KATNBL1: variants seen among roughly 807,000 people sequenced by gnomAD.
KATNBL1 encodes KATNB1-like protein 1.
A neutral mutation model predicts 44.7 loss-of-function variants in KATNBL1; 28 were observed. That is an observed-to-expected ratio of 0.63 (90% CI 0.46 to 0.86). The LOEUF (loss-of-function observed/expected upper bound fraction) is 0.86. Among genes scored for constraint, KATNBL1 ranks in the 40% least tolerant of loss-of-function variants. KATNBL1 has a pLI of 0.00. For missense variants in KATNBL1, 272 were observed against 350.7 expected (o/e 0.78, Z 1.79); for synonymous variants, 78 against 114.9 (o/e 0.68, Z 2.06).
In KATNBL1 at chr15:34,163,613, T is replaced by C; in HGVS notation, c.64A>G (p.Ile22Val). 2 of 1,600,498 alleles carry C rather than the reference T, an allele frequency of 1.2e-6. No homozygotes were observed. Among genetic ancestry groups the C allele is most frequent in the Non-Finnish European group, 1.7e-6 (2 of 1,176,474 alleles). The stretch of plus-strand genomic sequence containing the variant: ...GAGATCTTTTTTCTAGGAAGATCAA[T>C]GAAATGATCCTCAATCTTATTACAA... ...NFCNKIEDHF[I>V]DLPRKKISNF... Residue 22 changes from isoleucine to valine, a missense_variant, in exon 2 of 10, where the codon ATT becomes GTT. Transcript: ENST00000256544.
At chr15:34,192,108 T>C (rs991308604) in intron 1 of KATNBL1, among the ~76,000 whole-genome samples, 5 of 151,966 alleles carry the variant, frequency 3.3e-5, no homozygotes, top group African/African-American at 9.7e-5. Context: ...TGCTTTTTTA[T>C]ATGATTAAAA....
At chr15:34,187,180 C>T (rs541019347) in intron 1 of KATNBL1, among the ~76,000 whole-genome samples, 3 of 152,286 alleles carry the variant, frequency 2.0e-5, no homozygotes, top group South Asian at 2.1e-4. Flanking sequence ...GACGACCAGG[C>T]GGAAGAGAGA....
rs563973373 is a variant in KATNBL1 at position 34,151,586 on chromosome 15, G to A, written c.438+1204C>T. Among the ~76,000 whole-genome samples, 20 of 151,556 alleles carry A rather than the reference G, an allele frequency of 1.3e-4. No homozygotes were observed. In the South Asian group the frequency reaches 4.2e-3, roughly 32 times the overall value. On this transcript the variant is annotated intron_variant, in intron 4 of 9. Transcript: ENST00000256544. ...TGAGCGTCAGCCTCCCAAGTAGCTG[G>A]CATTACAGGCGTGCACCACCACGCC...
At chr15:34,184,241 G>A (rs1797308821) in intron 1 of KATNBL1, among the ~76,000 whole-genome samples, 1 of 151,582 alleles carries the variant, frequency 6.6e-6, no homozygotes, top group Non-Finnish European at 1.5e-5. Context: ...GAGAGGCTGA[G>A]CTTGCAGTGA....
intron 1 of KATNBL1, among the ~76,000 whole-genome samples, chr15:34,185,686 T>G (rs140680747): frequency 6.6e-6 from 1 of 152,116 alleles, no homozygotes; most frequent in Non-Finnish European, 1.5e-5. Flanking sequence ...AAGGCTCTAA[T>G]CAGGTGCTGC....
rs114522318 is a variant in KATNBL1 at position 34,194,257 on chromosome 15, T to C, written c.-15+15694A>G. ...ACCCAGCCTGCAGTTTAGTTTTATA[T>C]GCTGCATTTTGTCATTAATATTATA... is the stretch of plus-strand genomic sequence containing the variant. On this transcript the variant is annotated intron_variant, in intron 1 of 9. Coordinates refer to ENST00000256544, the MANE Select transcript of KATNBL1 (RefSeq NM_024713.3). Among the ~76,000 whole-genome samples the C allele has an allele frequency of 6.4e-3, 969 of 152,282 alleles. 7 individuals carry two copies. The highest frequency in any genetic ancestry group is 0.022 in the African/African-American group (896 of 41,556).
chr15:34,145,136 C>G, intron 9 of KATNBL1: 1 of 1,139,354 alleles, frequency 8.8e-7, no homozygotes, highest in Non-Finnish European at 1.1e-6. Context: ...ATACTTTTCT[C>G]TGATTAAAAC....
intron 2 of KATNBL1, among the ~76,000 whole-genome samples, chr15:34,156,994 C>A (rs1240998470): frequency 6.6e-6 from 1 of 152,200 alleles, no homozygotes; most frequent in East Asian, 1.9e-4. Context: ...ATACTGGAAT[C>A]TCCGTCAAAC....
At chr15:34,164,694 G>C (rs921880604) in intron 1 of KATNBL1, among the ~76,000 whole-genome samples, 1 of 152,236 alleles carries the variant, frequency 6.6e-6, no homozygotes, top group Non-Finnish European at 1.5e-5. Flanking sequence ...GTCATGCCCT[G>C]AATGTAAGTT....
At chr15:34,153,603 T>C (rs1371836164) in intron 3 of KATNBL1, among the ~76,000 whole-genome samples, 1 of 152,028 alleles carries the variant, frequency 6.6e-6, no homozygotes, top group Non-Finnish European at 1.5e-5. Flanking sequence ...ATGCAGTCTC[T>C]CTCTGTTGCC....
chr15:34,154,589 T>A, intron 3 of KATNBL1, 55 bp downstream of exon 3: 1 of 1,112,280 alleles, frequency 9.0e-7, no homozygotes, highest in East Asian at 2.3e-5. Flanking sequence ...CTTATTGTCA[T>A]CCTTACCCAG....
intron 1 of KATNBL1, among the ~76,000 whole-genome samples, chr15:34,181,289 C>G (rs1342480776): frequency 1.3e-5 from 2 of 151,966 alleles, no homozygotes; most frequent in African/African-American, 4.8e-5. Flanking sequence ...ATCATCCTAT[C>G]TTATTTTTAT....
rs905376349 is a variant in KATNBL1, at chr15:34,183,186, T to A, written c.-14-19496A>T. ...GACTGGCGACTACCAAGGCCAGCTC[T>A]ACCGGTTTTGTTTGCTCCTCTCAGC... On this transcript the variant is annotated intron_variant, in intron 1 of 9. Transcript: ENST00000256544. Among the ~76,000 whole-genome samples, 18 of 152,230 alleles carry A rather than the reference T, an allele frequency of 1.2e-4. 1 individual carries two copies. Among genetic ancestry groups the A allele is most frequent in the Admixed American group, 7.9e-4 (12 of 15,284 alleles).
rs1338128918 is a variant in KATNBL1 at position 34,140,886 on chromosome 15, T to C, written c.*1453A>G. On this transcript the variant is annotated 3_prime_UTR_variant, in exon 10 of 10. Coordinates refer to ENST00000256544, the MANE Select transcript of KATNBL1 (RefSeq NM_024713.3). ...GTTCACTGTGAGGAATATCTAGCTA[T>C]ATAAAATATAGCTACACAAAACCAG... 2 of 152,170 alleles carry C rather than the reference T, an allele frequency of 1.3e-5. No homozygotes were observed. The highest frequency in any genetic ancestry group is 3.8e-4 in the East Asian group (2 of 5,206). The allele number at this position is 152,170 out of a possible 1,614,324, so 9.4% of individuals were successfully genotyped here.
At chr15:34,144,700 A>C (rs1033988472) in intron 9 of KATNBL1, among the ~76,000 whole-genome samples, 10 of 151,968 alleles carry the variant, frequency 6.6e-5, no homozygotes, top group Non-Finnish European at 1.5e-4. Flanking sequence ...CCTCCCGAGT[A>C]GCTGGGATTA....
At chr15:34,152,660 T>A in intron 4 of KATNBL1, 130 bp downstream of exon 4, 1 of 695,208 alleles carries the variant, frequency 1.4e-6, no homozygotes, top group Non-Finnish European at 2.4e-6. Flanking sequence ...CTCAGGGAGT[T>A]ACTATGACTC....
At chr15:34,194,034 T>C (rs555351520) in intron 1 of KATNBL1, among the ~76,000 whole-genome samples, 1 of 151,756 alleles carries the variant, frequency 6.6e-6, no homozygotes, top group South Asian at 2.1e-4. Flanking sequence ...GTCCGCCTCC[T>C]GGCTTCAAGC....
At chr15:34,167,327 C>T (rs1462144041) in intron 1 of KATNBL1, among the ~76,000 whole-genome samples, 1 of 151,976 alleles carries the variant, frequency 6.6e-6, no homozygotes, top group Admixed American at 6.6e-5. Context: ...CTGATTTGAT[C>T]AAGTGGAAGA....
At chr15:34,200,378 G>A (rs1167059656) in intron 1 of KATNBL1, among the ~76,000 whole-genome samples, 3 of 151,102 alleles carry the variant, frequency 2.0e-5, no homozygotes, top group East Asian at 3.9e-4. Context: ...TCAGCCTCCT[G>A]AGTAGCTGGG....
Sources: allele counts gnomAD v4.1 joint callset (sites outside exome capture counted in the v4.1 genomes callset), GRCh38; gene constraint gnomAD v4.1.1; transcripts MANE v1.5; gene names NCBI Gene and HGNC (gene_info 2026-07-23, HGNC 2026-07-21).